The following PTPRD variants were observed in gnomAD, a reference collection of about 807,000 sequenced individuals.
PTPRD encodes protein tyrosine phosphatase receptor type D, also known as receptor-type tyrosine-protein phosphatase delta.
A neutral mutation model predicts 214.5 loss-of-function variants in PTPRD; 34 were observed. The observed-to-expected ratio is 0.16, with a 90% CI of 0.12 to 0.21. PTPRD has a LOEUF of 0.21. Among genes scored for constraint, PTPRD ranks in the 10% least tolerant of loss-of-function variants. The pLI is 1.00. For synonymous variants in PTPRD, 1,128 were observed against 845.7 expected (o/e 1.33, Z -5.79); for missense variants, 2,545 against 2,398.7 (o/e 1.06, Z -1.27).
At chr9:10,063,560 A>G (rs2097819325) in intron 3 of PTPRD, among the ~76,000 whole-genome samples, 1 of 152,062 alleles carries the variant, frequency 6.6e-6, no homozygotes, top group Non-Finnish European at 1.5e-5. Context: ...CTTTGAACTG[A>G]ACAGATAGCT....
At chr9:10,142,049 G>A (rs2098989301) in intron 3 of PTPRD, among the ~76,000 whole-genome samples, 1 of 151,950 alleles carries the variant, frequency 6.6e-6, no homozygotes, top group Admixed American at 6.6e-5. Context: ...AATAAATGGT[G>A]CTGGGAAAAC....
At chr9:9,214,734 CA>C (rs1381935545) in intron 9 of PTPRD, among the ~76,000 whole-genome samples, 1 of 152,014 alleles carries the variant, frequency 6.6e-6, no homozygotes, top group Admixed American at 6.6e-5. Flanking sequence ...TGCAAAGATA[CA>C]TTATAAAAAT....
chr9:9,825,515 G>C (rs1280755085), intron 5 of PTPRD, among the ~76,000 whole-genome samples: 2 of 151,920 alleles, frequency 1.3e-5, no homozygotes, highest in African/African-American at 2.4e-5. Flanking sequence ...CAGGTAGGCA[G>C]TCAGTGCATA....
intron 5 of PTPRD, among the ~76,000 whole-genome samples, chr9:9,772,887 A>C (rs1445234948): frequency 6.6e-6 from 1 of 152,138 alleles, no homozygotes; most frequent in Non-Finnish European, 1.5e-5. Flanking sequence ...TCAAAACGAC[A>C]CATTCACGTA....
chr9:8,517,345 T>C (rs2097798309), intron 21 of PTPRD, among the ~76,000 whole-genome samples: 2 of 152,150 alleles, frequency 1.3e-5, no homozygotes, highest in African/African-American at 2.4e-5. Flanking sequence ...ACTGAGGCCA[T>C]ACAGAGAAAA....
At chr9:8,874,295 A>G (rs751724313) in intron 11 of PTPRD, among the ~76,000 whole-genome samples, 1 of 152,190 alleles carries the variant, frequency 6.6e-6, no homozygotes, top group Admixed American at 6.5e-5. Flanking sequence ...TTTCAAACCA[A>G]GATAGACCAG....
rs193215968 is a variant in PTPRD at position 9,021,699 on chromosome 9, C to T, written c.-142-2964G>A. Among the ~76,000 whole-genome samples, 59 of 152,038 alleles carry T rather than the reference C, an allele frequency of 3.9e-4. 1 individual carries two copies. Among genetic ancestry groups the T allele is most frequent in the African/African-American group, 1.4e-3 (57 of 41,474 alleles). On this transcript the variant is annotated intron_variant, in intron 10 of 45. Transcript: ENST00000381196. ...ATGTGGAAGAGAGTGTTACTGATGA[C>T]TCTTACCATGTGTAGGCCTAGACTA...
chr9:9,448,434 C>A (rs2091163395), intron 8 of PTPRD, among the ~76,000 whole-genome samples: 1 of 152,022 alleles, frequency 6.6e-6, no homozygotes, highest in African/African-American at 2.4e-5. Context: ...TTTGCAAGTT[C>A]TTCCTTTGCA....
chr9:9,060,994 A>G (rs2099706186), intron 10 of PTPRD, among the ~76,000 whole-genome samples: 1 of 152,190 alleles, frequency 6.6e-6, no homozygotes, highest in Non-Finnish European at 1.5e-5. Flanking sequence ...AAAGCCAAAT[A>G]CAAAAGCATA....
chr9:8,635,720 CAGG>C (rs1472367930), intron 13 of PTPRD, among the ~76,000 whole-genome samples: 39 of 152,144 alleles, frequency 2.6e-4, no homozygotes, highest in African/African-American at 9.2e-4. Context: ...ATTAGAAACT[CAGG>C]TAAAAGGGAG....
intron 12 of PTPRD, among the ~76,000 whole-genome samples, chr9:8,652,356 T>G (rs2096829617): frequency 6.6e-6 from 1 of 152,198 alleles, no homozygotes; most frequent in Non-Finnish European, 1.5e-5. Context: ...GGACACTTAT[T>G]TTAGAAGGAA....
At chr9:9,371,347 G>C (rs7853228) in intron 9 of PTPRD, among the ~76,000 whole-genome samples, 28,800 of 152,062 alleles carry the variant, frequency 0.19, 3,066 homozygotes, top group East Asian at 0.34. Context: ...TTGGGAGGTT[G>C]TATGTGTCGA....
intron 11 of PTPRD, among the ~76,000 whole-genome samples, chr9:8,992,615 C>T (rs917195891): frequency 3.3e-5 from 5 of 152,126 alleles, no homozygotes; most frequent in African/African-American, 1.2e-4. Context: ...ACATCGATTA[C>T]TATAAAATAA....
chr9:9,752,804 C>A (rs1200879846), intron 6 of PTPRD, among the ~76,000 whole-genome samples: 1 of 151,946 alleles, frequency 6.6e-6, no homozygotes, highest in Non-Finnish European at 1.5e-5. Flanking sequence ...CTGGCACGAC[C>A]TTTCTAGGAC....
At chr9:8,982,830 A>C (rs2099320200) in intron 11 of PTPRD, among the ~76,000 whole-genome samples, 10 of 152,036 alleles carry the variant, frequency 6.6e-5, no homozygotes, top group Admixed American at 6.6e-4. Flanking sequence ...GCTTATATTC[A>C]GAAGCTCCTT....
At chr9:9,334,091 T>A (rs1442349450) in intron 9 of PTPRD, among the ~76,000 whole-genome samples, 1 of 151,996 alleles carries the variant, frequency 6.6e-6, no homozygotes, top group African/African-American at 2.4e-5. Context: ...TATATGCCCG[T>A]AATGTATACT....
Position 9,949,095 on chromosome 9 carries a change from A to G in PTPRD, c.-471-10485T>C, listed in dbSNP as rs536459564. 5.8e-4 allele frequency among the ~76,000 whole-genome samples: 89 copies of G among 152,222 alleles called. 1 individual carries two copies. The highest frequency in any genetic ancestry group is 2.0e-3 in the African/African-American group (84 of 41,558). Reference sequence around the variant, plus strand: ...TTGTTCATATGTCTCAAAATCAGAGAAAGTTCAAACATAAGGGGAAGAGAT... The same window carrying G: ...TTGTTCATATGTCTCAAAATCAGAGGAAGTTCAAACATAAGGGGAAGAGAT... On this transcript the variant is annotated intron_variant, in intron 4 of 45. Transcript: ENST00000381196.
chr9:9,345,285 T>C (rs2048367921), intron 9 of PTPRD, among the ~76,000 whole-genome samples: 1 of 152,110 alleles, frequency 6.6e-6, no homozygotes, highest in Non-Finnish European at 1.5e-5. Context: ...AAATGTATTA[T>C]CTAATCCATT....
chr9:9,885,107 C>T (rs1235658679), intron 5 of PTPRD, among the ~76,000 whole-genome samples: 2 of 151,828 alleles, frequency 1.3e-5, no homozygotes, highest in African/African-American at 4.8e-5. Context: ...CTTAAAAATT[C>T]AATGATAGAG....
Sources: allele counts gnomAD v4.1 joint callset (sites outside exome capture counted in the v4.1 genomes callset), GRCh38; gene constraint gnomAD v4.1.1; transcripts MANE v1.5; gene names NCBI Gene and HGNC (gene_info 2026-07-23, HGNC 2026-07-21).